LMNTD1: variants seen among roughly 807,000 people sequenced by gnomAD.
LMNTD1 encodes the protein lamin tail domain containing 1, also known as lamin tail domain-containing protein 1.
LMNTD1 carries 35 observed loss-of-function variants against 50.9 expected under a neutral mutation model. The observed-to-expected ratio is 0.69, with a 90% CI of 0.53 to 0.91. LMNTD1 has a LOEUF of 0.91. Ranked by LOEUF, LMNTD1 falls within the 40% of genes least tolerant of loss-of-function variation. LMNTD1 has a pLI of 0.00. For missense variants in LMNTD1, 470 were observed against 475.5 expected (o/e 0.99, Z 0.11); for synonymous variants, 153 against 161.9 (o/e 0.94, Z 0.42).
intron 1 of LMNTD1, among the ~76,000 whole-genome samples, chr12:25,576,256 G>C (rs1474619559): frequency 6.6e-6 from 1 of 152,182 alleles, no homozygotes; most frequent in East Asian, 1.9e-4. Flanking sequence ...GATCCTTGAG[G>C]AATCACCACA....
In LMNTD1 at chr12:25,526,361, A is replaced by G; in HGVS notation, c.679-143T>C. The G allele has an allele frequency of 4.1e-6, 3 of 735,580 alleles. No individual in the cohort carries two copies. The South Asian group carries it at 8.6e-5, about 21-fold the overall frequency. The allele number at this position is 735,580 out of a possible 1,614,324, so 45.6% of individuals were successfully genotyped here. On this transcript the variant is annotated intron_variant, in intron 5 of 9. Coordinates refer to ENST00000458174, the MANE Select transcript of LMNTD1 (RefSeq NM_001145728.2). Reference sequence around the variant, plus strand: ...TATCATATACAATGTCAAGCTATGCAACACCAAACAGCTACTCTACAGGGA... The same window carrying G: ...TATCATATACAATGTCAAGCTATGCGACACCAAACAGCTACTCTACAGGGA...
rs71450756 is a variant in LMNTD1, at chr12:25,619,252, C to CTATATATATATATATA, written c.58+29226_58+29241dup. ...TCTCTCTCTCTCTCTCTCTCTCTCTCTATATATATATATATATATATATAT... is the reference window on the plus strand; with the variant it reads ...TCTCTCTCTCTCTCTCTCTCTCTCTCTATATATATATATATATATATATATATATATATATATATAT... On this transcript the variant is annotated intron_variant, in intron 1 of 7. Coordinates refer to the LMNTD1 transcript ENST00000445693. 1.7e-3 allele frequency among the ~76,000 whole-genome samples: 146 copies of CTATATATATATATATA among 84,350 alleles called. 1 individual carries two copies. Among genetic ancestry groups the CTATATATATATATATA allele is most frequent in the South Asian group, 3.7e-3 (9 of 2,458 alleles). 55.3% of individuals were successfully genotyped at this position (84,350 alleles called of 152,430 possible).
chr12:25,511,511 T>C (rs955792036), intron 8 of LMNTD1, among the ~76,000 whole-genome samples: 2 of 152,150 alleles, frequency 1.3e-5, no homozygotes, highest in Admixed American at 6.5e-5. Context: ...TATAAGTAAT[T>C]AGCCTCATAA....
intron 1 of LMNTD1, among the ~76,000 whole-genome samples, chr12:25,568,172 G>A (rs1944638179): frequency 6.6e-6 from 1 of 152,192 alleles, no homozygotes; most frequent in African/African-American, 2.4e-5. Flanking sequence ...CCTTTGTTAT[G>A]CCTTAGCAAA....
intron 1 of LMNTD1, among the ~76,000 whole-genome samples, chr12:25,633,835 A>G (rs1946767876): frequency 6.6e-6 from 1 of 152,252 alleles, no homozygotes; most frequent in Admixed American, 6.5e-5. Flanking sequence ...CCAGAGCAGA[A>G]CTAAATGAAA....
intron 4 of LMNTD1, among the ~76,000 whole-genome samples, chr12:25,538,071 T>C (rs1185187545): frequency 7.2e-6 from 1 of 139,272 alleles, no homozygotes; most frequent in Non-Finnish European, 1.6e-5. Flanking sequence ...TATGGGACTA[T>C]GTGAAAAGAC....
At position 25,526,902 on chromosome 12, in the gene LMNTD1, T is replaced by C; in HGVS notation, c.545A>G (p.Lys182Arg). ...AEVNVKGLFV[K>R]LINSSLDKEM... The stretch of plus-strand genomic sequence containing the variant: ...TTTGTCAAGGGAAGAGTTAATGAGC[T>C]TCACGAACAAACCCTTGACATTCAC... The change falls in exon 5 of 10, where the codon AAG becomes AGG. Residue 182 changes from lysine (K) to arginine (R), a missense_variant. Lys to Arg is a conservative substitution (Grantham distance 26, BLOSUM62 2). Coordinates refer to ENST00000458174, the MANE Select transcript of LMNTD1 (RefSeq NM_001145728.2). 1 of 1,612,460 alleles carries C rather than the reference T, an allele frequency of 6.2e-7. No individual in the cohort carries two copies. Among genetic ancestry groups the C allele is most frequent in the Non-Finnish European group, 8.5e-7 (1 of 1,179,198 alleles).
At chr12:25,605,752 A>G (rs1228200595) in intron 1 of LMNTD1, among the ~76,000 whole-genome samples, 1 of 152,150 alleles carries the variant, frequency 6.6e-6, no homozygotes, top group African/African-American at 2.4e-5. Context: ...ATAGCCTTGT[A>G]GTATAGTTTG....
At chr12:25,510,759 C>A (rs1302744205) in intron 8 of LMNTD1, among the ~76,000 whole-genome samples, 1 of 152,088 alleles carries the variant, frequency 6.6e-6, no homozygotes, top group East Asian at 1.9e-4. Context: ...TATGAGATGT[C>A]ATTTAAAAAT....
chr12:25,614,619 AAC>A (rs1022523717), intron 1 of LMNTD1, among the ~76,000 whole-genome samples: 7 of 152,178 alleles, frequency 4.6e-5, no homozygotes, highest in African/African-American at 1.7e-4. Flanking sequence ...CTCTTCTGTT[AAC>A]AGAGGTTAAC....
chr12:25,511,049 G>A (rs1338336600), intron 8 of LMNTD1, among the ~76,000 whole-genome samples: 3 of 152,136 alleles, frequency 2.0e-5, no homozygotes, highest in African/African-American at 7.2e-5. Flanking sequence ...AAACTTTAAG[G>A]ATGAAAAAGA....
intron 9 of LMNTD1, among the ~76,000 whole-genome samples, chr12:25,498,265 T>G (rs919942098): frequency 4.6e-5 from 7 of 152,204 alleles, no homozygotes; most frequent in Non-Finnish European, 1.0e-4. Context: ...ATTACATTAT[T>G]TAATTAAAAT....
intron 9 of LMNTD1, among the ~76,000 whole-genome samples, chr12:25,490,373 T>G (rs1367112026): frequency 6.6e-6 from 1 of 152,214 alleles, no homozygotes; most frequent in Non-Finnish European, 1.5e-5. Context: ...AAGGGCCTCA[T>G]TTCTAAAACA....
chr12:25,537,454 C>G (rs552579501), intron 4 of LMNTD1, among the ~76,000 whole-genome samples: 2 of 152,328 alleles, frequency 1.3e-5, no homozygotes, highest in Non-Finnish European at 2.9e-5. Flanking sequence ...CACCCTCCAG[C>G]AGGGGCACAC....
At chr12:25,559,215 G>A (rs142392833) in intron 1 of LMNTD1, among the ~76,000 whole-genome samples, 63 of 151,910 alleles carry the variant, frequency 4.1e-4, no homozygotes, top group Non-Finnish European at 7.2e-4. Context: ...CCCATGAAAG[G>A]CCCCAGTGTG....
intron 1 of LMNTD1, among the ~76,000 whole-genome samples, chr12:25,614,072 T>TA (rs575989353): frequency 7.9e-4 from 114 of 144,476 alleles, no homozygotes; most frequent in African/African-American, 2.0e-3. Context: ...TGCTGGTGGG[T>TA]AAAAAAAAAA....
At chr12:25,601,620 T>A (rs1448841280) in intron 1 of LMNTD1, among the ~76,000 whole-genome samples, 1 of 151,752 alleles carries the variant, frequency 6.6e-6, no homozygotes, top group Admixed American at 6.6e-5. Context: ...AAAATTAAAA[T>A]AAAAATTTTT....
chr12:25,488,904 G>T (rs942318621), intron 9 of LMNTD1, among the ~76,000 whole-genome samples: 4 of 152,112 alleles, frequency 2.6e-5, no homozygotes, highest in Admixed American at 6.5e-5. Flanking sequence ...GTGTCAGTGT[G>T]CCCCTGCTGG....
intron 4 of LMNTD1, among the ~76,000 whole-genome samples, chr12:25,541,806 T>G (rs1251522749): frequency 2.3e-5 from 3 of 129,056 alleles, no homozygotes; most frequent in Middle Eastern, 3.4e-3. Context: ...GGGAGAAAAT[T>G]TTTGCAACCT....
Sources: allele counts gnomAD v4.1 joint callset (sites outside exome capture counted in the v4.1 genomes callset), GRCh38; gene constraint gnomAD v4.1.1; transcripts MANE v1.5; gene names NCBI Gene and HGNC (gene_info 2026-07-23, HGNC 2026-07-21).